The following EHD4 variants were observed in gnomAD, a reference collection of about 807,000 sequenced individuals.
EHD4 encodes the protein EH domain containing 4, also known as EH domain-containing protein 4.
A neutral mutation model predicts 51.0 loss-of-function variants in EHD4; 37 were observed. The ratio of observed to expected loss-of-function variants is 0.73; its 90% CI spans 0.56 to 0.95. EHD4 has a LOEUF of 0.95. Ranked by LOEUF, EHD4 falls within the 40% of genes least tolerant of loss-of-function variation. The pLI is 0.00. For missense variants in EHD4, 632 were observed against 733.1 expected (o/e 0.86, Z 1.59); for synonymous variants, 297 against 317.3 (o/e 0.94, Z 0.68).
intron 4 of EHD4, 23 bp from the exon 5 acceptor site, chr15:41,909,886 G>A: frequency 6.2e-7 from 1 of 1,613,300 alleles, no homozygotes; most frequent in Non-Finnish European, 8.5e-7. Context: ...AGATCAGGCA[G>A]GGAAGTGTCA....
chr15:41,897,252 C>A lies in EHD4; in HGVS notation c.*3393G>T, dbSNP rs1292644887. Reference sequence around the variant, plus strand: ...GAGAAAATAAACAGTGAAACACTTTCCTCATCTTCAAGGCAATTGTCTCAG... The same window carrying A: ...GAGAAAATAAACAGTGAAACACTTTACTCATCTTCAAGGCAATTGTCTCAG... On this transcript the variant is annotated 3_prime_UTR_variant, in exon 6 of 6. Transcript: ENST00000220325. The A allele has an allele frequency of 6.6e-6, 1 of 152,222 alleles. No homozygotes were observed. The highest frequency in any genetic ancestry group is 2.4e-5 in the African/African-American group (1 of 41,424). 9.4% of individuals were successfully genotyped at this position (152,222 alleles called of 1,614,324 possible).
intron 1 of EHD4, among the ~76,000 whole-genome samples, chr15:41,961,636 T>A (rs771498554): frequency 1.3e-5 from 2 of 152,258 alleles, no homozygotes; most frequent in Non-Finnish European, 2.9e-5. Flanking sequence ...AAACTCCATA[T>A]CCATTTTGTT....
chr15:41,918,702 A>C (rs1264202237), intron 4 of EHD4, among the ~76,000 whole-genome samples: 7 of 152,220 alleles, frequency 4.6e-5, no homozygotes, highest in Admixed American at 4.6e-4. Context: ...TCCAAGAGTA[A>C]GACTGAGCCA....
intron 1 of EHD4, among the ~76,000 whole-genome samples, chr15:41,955,965 A>C (rs1280389336): frequency 6.6e-6 from 1 of 152,162 alleles, no homozygotes; most frequent in Admixed American, 6.5e-5. Flanking sequence ...GGATGGGGCT[A>C]TGTCTGGAGG....
At chr15:41,964,543 C>T (rs2067949035) in intron 1 of EHD4, among the ~76,000 whole-genome samples, 1 of 151,848 alleles carries the variant, frequency 6.6e-6, no homozygotes, top group Admixed American at 6.6e-5. Context: ...GAGTTTGAGG[C>T]TGCAGTGAGC....
intron 2 of EHD4, among the ~76,000 whole-genome samples, chr15:41,950,955 C>T (rs1005438076): frequency 3.3e-5 from 5 of 152,102 alleles, no homozygotes; most frequent in Non-Finnish European, 5.9e-5. Context: ...ACATAATCAC[C>T]GTCATCTTCA....
intron 4 of EHD4, 55 bp from the exon 5 acceptor site, chr15:41,909,918 G>C: frequency 6.2e-7 from 1 of 1,600,318 alleles, no homozygotes; most frequent in South Asian, 1.1e-5. Context: ...ATCAGAGAAG[G>C]AACAAACAAG....
At position 41,924,360 on chromosome 15, in the gene EHD4, G is replaced by C. The variant is rs75300838; in HGVS notation, c.512-4738C>G. On this transcript the variant is annotated intron_variant, in intron 3 of 5. Coordinates refer to ENST00000220325, the MANE Select transcript of EHD4 (RefSeq NM_139265.4). ...TGGCTCCATCACTTACTAATTCTGC[G>C]ACCTTGGGCAAATTACTTCACCTCT... 7.0e-3 allele frequency among the ~76,000 whole-genome samples: 1,068 copies of C among 152,242 alleles called. 8 individuals carry two copies. Among genetic ancestry groups the C allele is most frequent in the African/African-American group, 0.025 (1,021 of 41,520 alleles).
intron 2 of EHD4, among the ~76,000 whole-genome samples, chr15:41,945,618 G>C (rs1470495204): frequency 6.6e-6 from 1 of 152,204 alleles, no homozygotes; most frequent in East Asian, 1.9e-4. Context: ...TGAGGGGCAG[G>C]CAAGAGAACA....
At chr15:41,959,428 T>C (rs949570334) in intron 1 of EHD4, among the ~76,000 whole-genome samples, 6 of 124,924 alleles carry the variant, frequency 4.8e-5, no homozygotes, top group Non-Finnish European at 1.0e-4. Context: ...AAAAAAGAAA[T>C]GGTTTGTGTG....
chr15:41,909,628 A>G, intron 5 of EHD4, 71 bp downstream of exon 5: 7 of 1,571,324 alleles, frequency 4.5e-6, no homozygotes, highest in Non-Finnish European at 6.1e-6. Context: ...ATTTGTCTCC[A>G]GCAAACAGCC....
At chr15:41,958,642 C>T (rs1046423894) in intron 1 of EHD4, among the ~76,000 whole-genome samples, 11 of 152,104 alleles carry the variant, frequency 7.2e-5, no homozygotes, top group East Asian at 1.9e-4. Flanking sequence ...ATCTTCTCAA[C>T]GATGAGCTTA....
At chr15:41,964,018 G>A (rs893210823) in intron 1 of EHD4, among the ~76,000 whole-genome samples, 18 of 151,674 alleles carry the variant, frequency 1.2e-4, no homozygotes, top group Non-Finnish European at 2.1e-4. Context: ...GGTGGTGGGC[G>A]CCTGTAGTCC....
At chr15:41,907,519 T>G (rs746460220) in intron 5 of EHD4, among the ~76,000 whole-genome samples, 4 of 152,168 alleles carry the variant, frequency 2.6e-5, no homozygotes, top group Non-Finnish European at 4.4e-5. Context: ...CTGTTGTGTG[T>G]GCGTGTATAT....
chr15:41,954,178 TAGG>T (rs1257661024), intron 1 of EHD4, among the ~76,000 whole-genome samples: 1 of 152,150 alleles, frequency 6.6e-6, no homozygotes, highest in Admixed American at 6.6e-5. Context: ...TCAGCTCCCT[TAGG>T]GGAGCCTCCC....
chr15:41,961,966 T>A (rs1018526300), intron 1 of EHD4, among the ~76,000 whole-genome samples: 37 of 152,132 alleles, frequency 2.4e-4, no homozygotes, highest in African/African-American at 8.2e-4. Flanking sequence ...AACAAAAATG[T>A]ACAACTCAGT....
chr15:41,968,244 T>G (rs1326869571), intron 1 of EHD4, among the ~76,000 whole-genome samples: 1 of 152,200 alleles, frequency 6.6e-6, no homozygotes, highest in African/African-American at 2.4e-5. Flanking sequence ...TGCCCCTTTT[T>G]TCCCCTATTA....
chr15:41,909,903 A>C, intron 4 of EHD4, 40 bp from the exon 5 acceptor site: 1 of 1,610,974 alleles, frequency 6.2e-7, no homozygotes, highest in South Asian at 1.1e-5. Flanking sequence ...GTCATTTAGA[A>C]TTGCATCAGA....
In EHD4 at chr15:41,909,755, G is replaced by A; in HGVS notation, c.1033C>T (p.Leu345=). ...GCAGAAATCTGGTATTCTCGCTGTAGCTGAATGTAGATTTCCGGTAGCCTG... is the reference window on the plus strand; with the variant it reads ...GCAGAAATCTGGTATTCTCGCTGTAACTGAATGTAGATTTCCGGTAGCCTG... The part of the protein sequence containing the change: ...ISRLPEIYIQ[L]QREYQISAGD... Residue 345 remains leucine (L), a synonymous_variant, in exon 5 of 6, where the codon CTA becomes TTA. Coordinates refer to ENST00000220325, the MANE Select transcript of EHD4 (RefSeq NM_139265.4). 6.2e-7 allele frequency: 1 copy of A among 1,614,180 alleles called. No individual in the cohort carries two copies. The highest frequency in any genetic ancestry group is 1.7e-5 in the Admixed American group (1 of 60,024).
Sources: gnomAD v4.1 joint callset for allele counts (sites outside exome capture counted in the v4.1 genomes callset) on GRCh38, gnomAD v4.1.1 for gene constraint, MANE v1.5 for transcripts, NCBI Gene and HGNC (gene_info 2026-07-23, HGNC 2026-07-21) for gene names.